Variants in H2AC15 observed in about 807,000 individuals in gnomAD.
H2AC15 encodes H2A clustered histone 15, also known as histone H2A type 1.
A neutral mutation model predicts 7.8 loss-of-function variants in H2AC15; 7 were observed. The ratio of observed to expected loss-of-function variants is 0.90; its 90% CI spans 0.51 to 1.69. The LOEUF (loss-of-function observed/expected upper bound fraction) is 1.69, where lower values mean the gene tolerates loss of function less well. H2AC15 is among the 40% of genes most tolerant of loss of function. The pLI is 0.00. For missense variants in H2AC15, 234 were observed against 174.7 expected (o/e 1.34, Z -1.91); for synonymous variants, 125 against 79.3 (o/e 1.58, Z -3.06).
Position 27,838,350 on chromosome 6 carries a change from A to G in H2AC15, c.-11T>C, listed in dbSNP as rs979120727. 3.2e-6 allele frequency: 5 copies of G among 1,568,062 alleles called. No individual in the cohort carries two copies. Among genetic ancestry groups the G allele is most frequent in the South Asian group, 2.4e-5 (2 of 84,010 alleles). On this transcript the variant is annotated 5_prime_UTR_variant, in exon 1 of 1. Coordinates refer to ENST00000618958, the MANE Select transcript of H2AC15 (RefSeq NM_003510.3). ...GCCACGTCCCGACATGACGTAAAAA[A>G]TTCAATCAGTAACGTTCCTGAGACT...
At position 27,838,198 on chromosome 6, in the gene H2AC15, C is replaced by T. The variant is rs749454776; in HGVS notation, c.142G>A (p.Ala48Thr). The T allele has an allele frequency of 2.5e-6, 4 of 1,614,016 alleles. No individual in the cohort carries two copies. The highest frequency in any genetic ancestry group is 2.5e-6 in the Non-Finnish European group (3 of 1,180,048). ...GNYAERVGAG[A>T]PVYLAAVLEY... is the part of the protein sequence containing the mutation. ...AACACCGCCGCCAGGTACACCGGCG[C>T]TCCGGCACCGACCCGCTCAGCGTAG... is the stretch of plus-strand genomic sequence containing the variant. Residue 48 changes from alanine to threonine, a missense_variant, in exon 1 of 1, where the codon GCG becomes ACG. Physicochemically the swap from Ala to Thr is moderately conservative, Grantham distance 58 (BLOSUM62 0). Coordinates refer to ENST00000618958, the MANE Select transcript of H2AC15 (RefSeq NM_003510.3).
chr6:27,838,064 C>T lies in H2AC15; in HGVS notation c.276G>A (p.Glu92=), dbSNP rs753198609. 1.2e-6 allele frequency: 2 copies of T among 1,614,214 alleles called. No individual in the cohort carries two copies. The highest frequency in any genetic ancestry group is 1.7e-5 in the Admixed American group (1 of 60,024). Residue 92 remains glutamate, a synonymous_variant, in exon 1 of 1, where the codon GAG becomes GAA. Coordinates refer to ENST00000618958, the MANE Select transcript of H2AC15 (RefSeq NM_003510.3). The stretch of plus-strand genomic sequence containing the variant: ...CTTTACCAAGCAGCTTGTTGAGCTC[C>T]TCGTCGTTGCGGATGGCCAGCTGCA... ...RHLQLAIRND[E]ELNKLLGKVT...
In H2AC15 at chr6:27,837,977, A is replaced by G. The variant is rs1439544976; in HGVS notation, c.363T>C (p.Thr121=). The G allele has an allele frequency of 1.2e-6, 2 of 1,613,814 alleles. No individual in the cohort carries two copies. The highest frequency in any genetic ancestry group is 2.7e-5 in the African/African-American group (2 of 74,902). The change falls in exon 1 of 1, where the codon ACT becomes ACC. Residue 121 remains threonine, a synonymous_variant. Coordinates refer to ENST00000618958, the MANE Select transcript of H2AC15 (RefSeq NM_003510.3). ...TGCCCTTGGCCTTGTGGTGGCTCTC[A>G]GTTTTCTTAGGCAGCAGCACGGCCT... ...NIQAVLLPKK[T]ESHHKAKGK is the part of the protein sequence containing the mutation.
Position 27,838,182 on chromosome 6 carries a change from G to T in H2AC15, c.158C>A (p.Ala53Glu), listed in dbSNP as rs1207751245. ...RVGAGAPVYLAAVLEYLTAEI... is the reference protein window; with the variant it reads ...RVGAGAPVYLEAVLEYLTAEI... The stretch of plus-strand genomic sequence containing the variant: ...GGCGGTTAGGTACTCCAACACCGCC[G>T]CCAGGTACACCGGCGCTCCGGCACC... Residue 53 changes from alanine (A) to glutamate (E), a missense_variant, in exon 1 of 1, where the codon GCG becomes GAG. By Grantham distance (107) the Ala-to-Glu change is moderately radical. Coordinates refer to ENST00000618958, the MANE Select transcript of H2AC15 (RefSeq NM_003510.3). 1 of 1,614,130 alleles carries T rather than the reference G, an allele frequency of 6.2e-7. No individual in the cohort carries two copies. The highest frequency in any genetic ancestry group is 1.1e-5 in the South Asian group (1 of 91,068).
chr6:27,837,915 C>A lies in H2AC15; in HGVS notation c.*32G>T. 1 of 1,603,570 alleles carries A rather than the reference C, an allele frequency of 6.2e-7. No homozygotes were observed. The highest frequency in any genetic ancestry group is 8.5e-7 in the Non-Finnish European group (1 of 1,173,712). Reference sequence around the variant, plus strand: ...TGAAAAGAACCTTTTTGGTTTGGACCGAGGTATGAGTAATGAACTGCTCCA... The same window carrying A: ...TGAAAAGAACCTTTTTGGTTTGGACAGAGGTATGAGTAATGAACTGCTCCA... On this transcript the variant is annotated 3_prime_UTR_variant, in exon 1 of 1. Coordinates refer to ENST00000618958, the MANE Select transcript of H2AC15 (RefSeq NM_003510.3).
Position 27,837,890 on chromosome 6 carries a change from T to C in H2AC15, c.*57A>G. On this transcript the variant is annotated 3_prime_UTR_variant, in exon 1 of 1. Transcript: ENST00000618958. ...TACTTGGTGAAAAAGTAGGTGGCTC[T>C]GAAAAGAACCTTTTTGGTTTGGACC... 2.5e-6 allele frequency: 4 copies of C among 1,583,640 alleles called. No homozygotes were observed. The highest frequency in any genetic ancestry group is 1.4e-5 in the African/African-American group (1 of 73,838).
At position 27,838,302 on chromosome 6, in the gene H2AC15, G is replaced by A. The variant is rs753609565; in HGVS notation, c.38C>T (p.Ala13Val). The change falls in exon 1 of 1, where the codon GCC becomes GTC. Residue 13 changes from alanine (A) to valine (V), a missense_variant. Ala to Val is a moderately conservative substitution (Grantham distance 64, BLOSUM62 0). Coordinates refer to ENST00000618958, the MANE Select transcript of H2AC15 (RefSeq NM_003510.3). ...CCTTGAAGAACGGGTCTTAGCCTTG[G>A]CGCGAGCTTTGCCGCCCTGCTTGCC... ...GRGKQGGKARAKAKTRSSRAG... is the reference protein window; with the variant it reads ...GRGKQGGKARVKAKTRSSRAG... The A allele has an allele frequency of 7.5e-6, 12 of 1,601,294 alleles. No homozygotes were observed. Among genetic ancestry groups the A allele is most frequent in the South Asian group, 5.5e-5 (5 of 90,118 alleles).
Position 27,837,987 on chromosome 6 carries a change from G to GGCA in H2AC15, c.350_352dup (p.Leu117dup). Reference sequence around the variant, plus strand: ...CTTGTGGTGGCTCTCAGTTTTCTTAGGCAGCAGCACGGCCTGGATATTGGG... The same window carrying GGCA: ...CTTGTGGTGGCTCTCAGTTTTCTTAGGCAGCAGCAGCACGGCCTGGATATTGGG... On this transcript the variant is annotated inframe_insertion, in exon 1 of 1. Coordinates refer to ENST00000618958, the MANE Select transcript of H2AC15 (RefSeq NM_003510.3). The GGCA allele has an allele frequency of 6.2e-7, 1 of 1,614,194 alleles. No homozygotes were observed. The highest frequency in any genetic ancestry group is 8.5e-7 in the Non-Finnish European group (1 of 1,180,028).
Position 27,838,243 on chromosome 6 carries a change from G to A in H2AC15, c.97C>T (p.Arg33Ter), listed in dbSNP as rs1761071758. Residue 33 changes from arginine (R) to a stop codon, truncating the protein, a stop_gained, in exon 1 of 1, where the codon CGA becomes TGA. Coordinates refer to ENST00000618958, the MANE Select transcript of H2AC15 (RefSeq NM_003510.3). LOFTEE classifies it high-confidence loss of function. Reference sequence around the variant, plus strand: ...GCGTAGTTGCCCTTGCGGAGCAGTCGGTGCACTCGGCCCACTGGGAACTGA... The same window carrying A: ...GCGTAGTTGCCCTTGCGGAGCAGTCAGTGCACTCGGCCCACTGGGAACTGA... ...GLQFPVGRVH[R>*]LLRKGNYAER... is the part of the protein sequence containing the mutation. 2 of 1,613,928 alleles carry A rather than the reference G, an allele frequency of 1.2e-6. No homozygotes were observed. Among genetic ancestry groups the A allele is most frequent in the Non-Finnish European group, 1.7e-6 (2 of 1,179,958 alleles).
In H2AC15 at chr6:27,838,007, A is replaced by G. The variant is rs748769774; in HGVS notation, c.333T>C (p.Asn111=). 1.5e-5 allele frequency: 25 copies of G among 1,614,204 alleles called. 1 individual carries two copies. The highest frequency in any genetic ancestry group is 3.3e-4 in the Middle Eastern group (2 of 6,062). The change falls in exon 1 of 1, where the codon AAT becomes AAC. Residue 111 remains asparagine, a synonymous_variant. Coordinates refer to ENST00000618958, the MANE Select transcript of H2AC15 (RefSeq NM_003510.3). ...VTIAQGGVLP[N]IQAVLLPKKT... is the part of the protein sequence containing the mutation. ...TCTTAGGCAGCAGCACGGCCTGGATATTGGGCAGGACACCACCCTGGGCGA... is the reference window on the plus strand; with the variant it reads ...TCTTAGGCAGCAGCACGGCCTGGATGTTGGGCAGGACACCACCCTGGGCGA...
In H2AC15 at chr6:27,838,363, C is replaced by T. The variant is rs540089352; in HGVS notation, c.-24G>A. 1.2e-5 allele frequency: 18 copies of T among 1,557,504 alleles called. No individual in the cohort carries two copies. The highest frequency in any genetic ancestry group is 2.3e-5 in the East Asian group (1 of 44,430). On this transcript the variant is annotated 5_prime_UTR_variant, in exon 1 of 1. Transcript: ENST00000618958. ...ATGACGTAAAAAATTCAATCAGTAA[C>T]GTTCCTGAGACTGACGTAACGCTAA...
rs202190527 is a variant in H2AC15, at chr6:27,838,127, G to C, written c.213C>G (p.Ala71=). ...AEILELAGNA[A]RDNKKTRIIP... ...TGATGCGGGTCTTCTTGTTGTCGCGGGCCGCGTTGCCAGCCAGTTCCAGGA... is the reference window on the plus strand; with the variant it reads ...TGATGCGGGTCTTCTTGTTGTCGCGCGCCGCGTTGCCAGCCAGTTCCAGGA... The change falls in exon 1 of 1, where the codon GCC becomes GCG. Residue 71 remains alanine (A), a synonymous_variant. Transcript: ENST00000618958. The C allele has an allele frequency of 6.2e-7, 1 of 1,614,006 alleles. No individual in the cohort carries two copies. Among genetic ancestry groups the C allele is most frequent in the African/African-American group, 1.3e-5 (1 of 74,922 alleles).
At position 27,838,098 on chromosome 6, in the gene H2AC15, G is replaced by A. The variant is rs753465036; in HGVS notation, c.242C>T (p.Pro81Leu). The part of the protein sequence containing the change: ...ARDNKKTRII[P>L]RHLQLAIRND... The stretch of plus-strand genomic sequence containing the variant: ...GCGGATGGCCAGCTGCAAGTGGCGC[G>A]GGATGATGCGGGTCTTCTTGTTGTC... Residue 81 changes from proline to leucine, a missense_variant, in exon 1 of 1, where the codon CCG becomes CTG. Transcript: ENST00000618958. The A allele has an allele frequency of 6.2e-7, 1 of 1,614,196 alleles. No homozygotes were observed. The highest frequency in any genetic ancestry group is 8.5e-7 in the Non-Finnish European group (1 of 1,180,038).
chr6:27,838,214 C>G lies in H2AC15; in HGVS notation c.126G>C (p.Glu42Asp). 14 of 1,614,084 alleles carry G rather than the reference C, an allele frequency of 8.7e-6. No homozygotes were observed. The highest frequency in any genetic ancestry group is 1.2e-5 in the Non-Finnish European group (14 of 1,180,016). ...HRLLRKGNYA[E>D]RVGAGAPVYL... ...ACACCGGCGCTCCGGCACCGACCCG[C>G]TCAGCGTAGTTGCCCTTGCGGAGCA... is the stretch of plus-strand genomic sequence containing the variant. The change falls in exon 1 of 1, where the codon GAG becomes GAC. Residue 42 changes from glutamate (E) to aspartate (D), a missense_variant. By Grantham distance (45) the Glu-to-Asp change is conservative (BLOSUM62 2). Transcript: ENST00000618958.
chr6:27,838,107 C>T lies in H2AC15; in HGVS notation c.233G>A (p.Arg78His), dbSNP rs746824735. Residue 78 changes from arginine to histidine, a missense_variant, in exon 1 of 1, where the codon CGC (arginine) becomes CAC (histidine). Coordinates refer to ENST00000618958, the MANE Select transcript of H2AC15 (RefSeq NM_003510.3). ...CAGCTGCAAGTGGCGCGGGATGATG[C>T]GGGTCTTCTTGTTGTCGCGGGCCGC... is the stretch of plus-strand genomic sequence containing the variant. ...GNAARDNKKTRIIPRHLQLAI... is the reference protein window; with the variant it reads ...GNAARDNKKTHIIPRHLQLAI... 1 of 1,614,166 alleles carries T rather than the reference C, an allele frequency of 6.2e-7. No homozygotes were observed. Among genetic ancestry groups the T allele is most frequent in the East Asian group, 2.2e-5 (1 of 44,886 alleles).
In H2AC15 at chr6:27,838,196, C is replaced by G. The variant is rs1292067494; in HGVS notation, c.144G>C (p.Ala48=). 1 of 1,614,090 alleles carries G rather than the reference C, an allele frequency of 6.2e-7. No homozygotes were observed. Among genetic ancestry groups the G allele is most frequent in the African/African-American group, 1.3e-5 (1 of 75,046 alleles). The change falls in exon 1 of 1, where the codon GCG becomes GCC. Residue 48 remains alanine (A), a synonymous_variant. Coordinates refer to ENST00000618958, the MANE Select transcript of H2AC15 (RefSeq NM_003510.3). ...CCAACACCGCCGCCAGGTACACCGG[C>G]GCTCCGGCACCGACCCGCTCAGCGT... ...GNYAERVGAG[A]PVYLAAVLEY...
rs774976261 is a variant in H2AC15 at position 27,837,945 on chromosome 6, C to T, written c.*2G>A. On this transcript the variant is annotated 3_prime_UTR_variant, in exon 1 of 1. Coordinates refer to ENST00000618958, the MANE Select transcript of H2AC15 (RefSeq NM_003510.3). ...TATGAGTAATGAACTGCTCCAGCCC[C>T]GCTACTTGCCCTTGGCCTTGTGGTG... is the stretch of plus-strand genomic sequence containing the variant. 1.9e-6 allele frequency: 3 copies of T among 1,613,980 alleles called. No individual in the cohort carries two copies. Among genetic ancestry groups the T allele is most frequent in the Admixed American group, 3.3e-5 (2 of 60,002 alleles).
Position 27,838,288 on chromosome 6 carries a change from G to A in H2AC15, c.52C>T (p.Arg18Cys). The A allele has an allele frequency of 6.2e-7, 1 of 1,610,702 alleles. No individual in the cohort carries two copies. Among genetic ancestry groups the A allele is most frequent in the East Asian group, 2.2e-5 (1 of 44,762 alleles). Residue 18 changes from arginine (R) to cysteine (C), a missense_variant, in exon 1 of 1, where the codon CGT (arginine) becomes TGT (cysteine). By Grantham distance (180) the Arg-to-Cys change is radical. Transcript: ENST00000618958. The part of the protein sequence containing the change: ...GGKARAKAKT[R>C]SSRAGLQFPV... ...AACTGAAGACCCGCCCTTGAAGAACGGGTCTTAGCCTTGGCGCGAGCTTTG... is the reference window on the plus strand; with the variant it reads ...AACTGAAGACCCGCCCTTGAAGAACAGGTCTTAGCCTTGGCGCGAGCTTTG...
At position 27,838,190 on chromosome 6, in the gene H2AC15, C is replaced by A; in HGVS notation, c.150G>T (p.Val50=). ...YAERVGAGAP[V]YLAAVLEYLT... ...GGTACTCCAACACCGCCGCCAGGTA[C>A]ACCGGCGCTCCGGCACCGACCCGCT... Residue 50 remains valine (V), a synonymous_variant, in exon 1 of 1, where the codon GTG becomes GTT. Coordinates refer to ENST00000618958, the MANE Select transcript of H2AC15 (RefSeq NM_003510.3). The A allele has an allele frequency of 6.2e-7, 1 of 1,614,150 alleles. No homozygotes were observed.
Sources: gnomAD v4.1 joint callset for allele counts on GRCh38, gnomAD v4.1.1 for gene constraint, MANE v1.5 for transcripts, NCBI Gene and HGNC (gene_info 2026-07-23, HGNC 2026-07-21) for gene names.